KLF12: variants seen among roughly 807,000 people sequenced by gnomAD.
KLF12 encodes the protein Krueppel-like factor 12.
Under a neutral mutation model 37.8 loss-of-function variants are expected in KLF12, and 9 were observed. That is an observed-to-expected ratio of 0.24 (90% confidence interval 0.14 to 0.42). KLF12 has a LOEUF of 0.42. KLF12 is among the 10% of genes least tolerant of loss of function. The probability of loss-of-function intolerance (pLI) is 1.00; values close to 1 mark genes in which losing one functional copy is unlikely to be tolerated. For missense variants in KLF12, 411 were observed against 516.0 expected (o/e 0.80, Z 1.97); for synonymous variants, 208 against 202.1 (o/e 1.03, Z -0.25).
intron 6 of KLF12, among the ~76,000 whole-genome samples, chr13:73,751,258 A>C (rs1431487737): frequency 6.6e-6 from 1 of 152,148 alleles, no homozygotes; most frequent in Admixed American, 6.6e-5. Context: ...GTAGATACCC[A>C]TTAATGAGAC....
At chr13:73,751,704 A>G (rs1024822217) in intron 6 of KLF12, among the ~76,000 whole-genome samples, 4 of 152,236 alleles carry the variant, frequency 2.6e-5, no homozygotes, top group Non-Finnish European at 5.9e-5. Flanking sequence ...TTCCAATGCT[A>G]AAGTCTTCTT....
At chr13:74,069,064 T>C (rs572092246) in intron 1 of KLF12, among the ~76,000 whole-genome samples, 4 of 152,284 alleles carry the variant, frequency 2.6e-5, no homozygotes, top group African/African-American at 9.6e-5. Context: ...AGTGGTCAAA[T>C]GTAATGGGAT....
At chr13:74,134,810 G>C (rs2139047168), upstream of KLF12, among the ~76,000 whole-genome samples, 1 of 151,892 alleles carries the variant, frequency 6.6e-6, no homozygotes, top group South Asian at 2.1e-4. Flanking sequence ...CCCAAAAAGC[G>C]TGCAGCCCGC....
the KLF12 span, among the ~76,000 whole-genome samples, chr13:74,302,680 A>G: frequency 2.6e-5 from 4 of 152,052 alleles, no homozygotes; most frequent in Non-Finnish European, 4.4e-5. Context: ...TTTTCTCATC[A>G]TTCCGCTCAA....
chr13:74,297,212 T>A, the KLF12 span, among the ~76,000 whole-genome samples: 1 of 152,138 alleles, frequency 6.6e-6, no homozygotes. Flanking sequence ...AGGAAATTGA[T>A]CCCTGGAATA....
intron 2 of KLF12, among the ~76,000 whole-genome samples, chr13:73,965,550 G>C (rs1593789583): frequency 2.0e-5 from 3 of 152,230 alleles, no homozygotes; most frequent in Admixed American, 2.0e-4. Flanking sequence ...TCTTGCGCTT[G>C]TATCTACATG....
chr13:73,882,646 C>T (rs1056614326), intron 3 of KLF12, among the ~76,000 whole-genome samples: 22 of 152,048 alleles, frequency 1.4e-4, no homozygotes, highest in African/African-American at 5.1e-4. Context: ...TAATCATATG[C>T]CACGATTAAA....
At chr13:74,068,076 T>C (rs1036208803) in intron 1 of KLF12, among the ~76,000 whole-genome samples, 1 of 152,206 alleles carries the variant, frequency 6.6e-6, no homozygotes, top group African/African-American at 2.4e-5. Flanking sequence ...GCAGACCGAG[T>C]ACCTCAGCTC....
chr13:74,024,954 A>G (rs1892937486), intron 1 of KLF12, among the ~76,000 whole-genome samples: 1 of 152,228 alleles, frequency 6.6e-6, no homozygotes, highest in Non-Finnish European at 1.5e-5. Flanking sequence ...AGTTCTCAAC[A>G]TAAATAAGCC....
Position 73,945,169 on chromosome 13 carries a change from G to C in KLF12, c.34-1099C>G, listed in dbSNP as rs753717456. Among the ~76,000 whole-genome samples the C allele has an allele frequency of 5.3e-5, 8 of 152,228 alleles. No individual in the cohort carries two copies. The South Asian group carries it at 1.7e-3, about 32-fold the overall frequency. ...TGGTTGCTTTCCTACAAAATAGCAG[G>C]TTAAATAAGAACAACTGGGCCAGGC... On this transcript the variant is annotated intron_variant, in intron 2 of 7. Coordinates refer to ENST00000377669, the MANE Select transcript of KLF12 (RefSeq NM_007249.5).
the KLF12 span, among the ~76,000 whole-genome samples, chr13:74,305,197 G>GT: frequency 4.4e-3 from 675 of 152,154 alleles, 3 homozygotes; most frequent in African/African-American, 0.016. Flanking sequence ...ATCAATAACA[G>GT]TTTTTTAAAA....
intron 2 of KLF12, among the ~76,000 whole-genome samples, chr13:73,974,511 T>C (rs2138132224): frequency 6.6e-6 from 1 of 152,164 alleles, no homozygotes; most frequent in Admixed American, 6.5e-5. Context: ...GAAAATATAT[T>C]TAAAGATGCA....
chr13:73,947,539 T>G (rs1384295619), intron 2 of KLF12, among the ~76,000 whole-genome samples: 1 of 149,086 alleles, frequency 6.7e-6, no homozygotes, highest in African/African-American at 2.5e-5. Context: ...TAGTATCAGC[T>G]ACTGAGGAGG....
chr13:74,206,374 A>G, the KLF12 span, among the ~76,000 whole-genome samples: 1 of 152,194 alleles, frequency 6.6e-6, no homozygotes, highest in Admixed American at 6.5e-5. Context: ...CTTTTCAAAT[A>G]TTTTAAAATA....
chr13:73,695,730 G>A (rs1343824739), intron 7 of KLF12, 59 bp from the exon 8 acceptor site: 1 of 1,489,334 alleles, frequency 6.7e-7, no homozygotes, highest in African/African-American at 1.4e-5. Flanking sequence ...GCCATAACCA[G>A]GCCAGTACTC....
intron 3 of KLF12, among the ~76,000 whole-genome samples, chr13:73,854,193 G>T (rs369472228): frequency 1.3e-5 from 2 of 152,156 alleles, no homozygotes; most frequent in East Asian, 3.9e-4. Context: ...TCACTATACT[G>T]CCAGAAAAAC....
the KLF12 span, among the ~76,000 whole-genome samples, chr13:74,173,968 C>G: frequency 6.6e-6 from 1 of 152,178 alleles, no homozygotes; most frequent in African/African-American, 2.4e-5. Context: ...CAATAGGCTT[C>G]AGGTGCTTCC....
intron 2 of KLF12, among the ~76,000 whole-genome samples, chr13:73,984,785 C>T (rs192951871): frequency 5.3e-5 from 8 of 152,316 alleles, no homozygotes; most frequent in Admixed American, 2.0e-4. Context: ...AAAAACAAAA[C>T]GTTACGGATT....
intron 6 of KLF12, among the ~76,000 whole-genome samples, chr13:73,764,518 GA>G (rs80129032): frequency 1.5e-4 from 22 of 148,290 alleles, no homozygotes; most frequent in South Asian, 4.3e-4. Flanking sequence ...CTATGGCAAG[GA>G]AAAAAAAAAT....
Sources: gnomAD v4.1 joint callset for allele counts (sites outside exome capture counted in the v4.1 genomes callset) on GRCh38, gnomAD v4.1.1 for gene constraint, MANE v1.5 for transcripts, NCBI Gene and HGNC (gene_info 2026-07-23, HGNC 2026-07-21) for gene names.